Variants in ESRRG observed in about 807,000 individuals in gnomAD.
The protein encoded by ESRRG is estrogen related receptor gamma.
ESRRG carries 13 observed loss-of-function variants against 44.0 expected under a neutral mutation model. The ratio of observed to expected loss-of-function variants is 0.30; its 90% CI spans 0.19 to 0.47. The LOEUF (loss-of-function observed/expected upper bound fraction) is 0.47. Among genes scored for constraint, ESRRG ranks in the 20% least tolerant of loss-of-function variants. The pLI, the probability that ESRRG is intolerant of heterozygous loss-of-function variation, is 1.00. For missense variants in ESRRG, 395 were observed against 580.6 expected (o/e 0.68, Z 3.29); for synonymous variants, 215 against 214.6 (o/e 1.00, Z -0.02).
chr1:216,996,291 T>C (rs2076367134), intron 1 of ESRRG, among the ~76,000 whole-genome samples: 1 of 151,536 alleles, frequency 6.6e-6, no homozygotes, highest in African/African-American at 2.4e-5. Flanking sequence ...AAGGAGAGTA[T>C]AAAAAGTGTA....
At chr1:216,846,080 TA>T (rs1305072073) in intron 2 of ESRRG, among the ~76,000 whole-genome samples, 3 of 152,196 alleles carry the variant, frequency 2.0e-5, no homozygotes, top group Non-Finnish European at 2.9e-5. Flanking sequence ...TTAAATCATG[TA>T]AAAAGAACAA....
chr1:216,632,134 T>C (rs1370966393), intron 3 of ESRRG, among the ~76,000 whole-genome samples: 1 of 152,256 alleles, frequency 6.6e-6, no homozygotes, highest in African/African-American at 2.4e-5. Context: ...TGTCATTTAA[T>C]TCACCAATAT....
upstream of ESRRG, among the ~76,000 whole-genome samples, chr1:217,093,387 G>GAAAAAAA (rs2092378178): frequency 6.6e-6 from 1 of 151,420 alleles, no homozygotes. Flanking sequence ...TGAAGGATGC[G>GAAAAAAA]AAAAAAATGC....
chr1:216,854,995 T>G (rs963425813), intron 2 of ESRRG: 1 of 152,194 alleles, frequency 6.6e-6, no homozygotes, highest in East Asian at 1.9e-4. Context: ...CTAGAAGTGC[T>G]GGGTCCTCTG....
At chr1:216,719,585 T>C (rs1231815773) in intron 1 of ESRRG, among the ~76,000 whole-genome samples, 1 of 152,042 alleles carries the variant, frequency 6.6e-6, no homozygotes, top group Non-Finnish European at 1.5e-5. Context: ...TTAGCATTTT[T>C]AAAAGCTGAG....
rs555607494 is a variant in ESRRG, at chr1:216,535,789, C to T, written c.863-16368G>A. ...ATACTGGCTTTTCCCCAATAGCTAG[C>T]TCTCTGTCTCTGTCTGTCTGCCTAT... On this transcript the variant is annotated intron_variant, in intron 5 of 6. Transcript: ENST00000408911. Among the ~76,000 whole-genome samples the T allele has an allele frequency of 1.3e-4, 20 of 152,168 alleles. No homozygotes were observed. In the South Asian group the frequency reaches 4.1e-3, roughly 32 times the overall value.
intron 1 of ESRRG, among the ~76,000 whole-genome samples, chr1:217,095,505 G>T (rs910220777): frequency 6.6e-6 from 1 of 152,186 alleles, no homozygotes; most frequent in Non-Finnish European, 1.5e-5. Flanking sequence ...GCAAAGAATG[G>T]GGGACTGAGG....
At chr1:217,053,931 G>T (rs534941987) in intron 1 of ESRRG, among the ~76,000 whole-genome samples, 1 of 151,986 alleles carries the variant, frequency 6.6e-6, no homozygotes, top group African/African-American at 2.4e-5. Flanking sequence ...TTACAAGAAA[G>T]TCTCAGCCAA....
chr1:216,795,884 A>G (rs1457204591), intron 2 of ESRRG, among the ~76,000 whole-genome samples: 1 of 152,144 alleles, frequency 6.6e-6, no homozygotes. Context: ...AGTGCAGGGT[A>G]GTAATTGATC....
chr1:216,954,422 T>C (rs1418538949), intron 1 of ESRRG, among the ~76,000 whole-genome samples: 1 of 152,154 alleles, frequency 6.6e-6, no homozygotes, highest in Non-Finnish European at 1.5e-5. Context: ...TTCTATATCC[T>C]GGAAATTCCA....
intron 1 of ESRRG, among the ~76,000 whole-genome samples, chr1:217,085,912 C>T (rs2151531533): frequency 6.6e-6 from 1 of 152,308 alleles, no homozygotes; most frequent in East Asian, 1.9e-4. Context: ...ACTTACTCTA[C>T]TGGGATGGCA....
At chr1:216,614,667 G>A (rs574739231) in intron 3 of ESRRG, among the ~76,000 whole-genome samples, 1 of 152,296 alleles carries the variant, frequency 6.6e-6, no homozygotes, top group East Asian at 1.9e-4. Context: ...CTAGTGCAGG[G>A]GGAAGTGTTC....
In ESRRG at chr1:217,058,624, G is replaced by T. The variant is rs79618326; in HGVS notation, c.-106+30883C>A. ...GGACAACCATATGCAAAAAATTGTT[G>T]TAATGTTTTCAATAACCACATTAGT... On this transcript the variant is annotated intron_variant, in intron 1 of 7. Transcript: ENST00000359162. 6.1e-3 allele frequency among the ~76,000 whole-genome samples: 927 copies of T among 152,140 alleles called. 8 individuals are homozygous for T. Among genetic ancestry groups the T allele is most frequent in the African/African-American group, 0.022 (899 of 41,516 alleles).
At chr1:216,757,668 T>G (rs947208357) in intron 2 of ESRRG, among the ~76,000 whole-genome samples, 1 of 152,014 alleles carries the variant, frequency 6.6e-6, no homozygotes, top group African/African-American at 2.4e-5. Context: ...AGTAGTAAAT[T>G]TACAATCTAA....
intron 1 of ESRRG, among the ~76,000 whole-genome samples, chr1:216,716,163 A>G (rs2084831210): frequency 1.3e-5 from 2 of 152,014 alleles, no homozygotes; most frequent in East Asian, 1.9e-4. Context: ...TTTACTTCAT[A>G]AATAAGAGCC....
At chr1:216,604,790 A>T (rs1050019670) in intron 3 of ESRRG, among the ~76,000 whole-genome samples, 1 of 152,232 alleles carries the variant, frequency 6.6e-6, no homozygotes, top group Non-Finnish European at 1.5e-5. Flanking sequence ...ACCATCTAAA[A>T]TATTTGCCTG....
At chr1:217,123,726 G>A (rs2102508508) in intron 1 of ESRRG, among the ~76,000 whole-genome samples, 1 of 152,154 alleles carries the variant, frequency 6.6e-6, no homozygotes, top group East Asian at 1.9e-4. Context: ...ACACAGGGAG[G>A]GGAAAAACAC....
intron 1 of ESRRG, among the ~76,000 whole-genome samples, chr1:217,097,078 C>T (rs986176379): frequency 6.6e-6 from 1 of 151,950 alleles, no homozygotes; most frequent in African/African-American, 2.4e-5. Context: ...AGCTGGGTGT[C>T]GTGATGTGCA....
At chr1:217,109,693 A>C (rs565249987) in intron 1 of ESRRG, among the ~76,000 whole-genome samples, 1 of 152,110 alleles carries the variant, frequency 6.6e-6, no homozygotes, top group Admixed American at 6.6e-5. Context: ...TGCTCTCCTC[A>C]CCAAGGGAGC....
Sources: gnomAD v4.1 joint callset for allele counts (sites outside exome capture counted in the v4.1 genomes callset) on GRCh38, gnomAD v4.1.1 for gene constraint, MANE v1.5 for transcripts, NCBI Gene and HGNC (gene_info 2026-07-23, HGNC 2026-07-21) for gene names.